The following RAD51B variants were observed in gnomAD, a reference collection of about 807,000 sequenced individuals.
The protein encoded by RAD51B is DNA repair protein RAD51 homolog 2.
In RAD51B, 38 loss-of-function variants were observed where a neutral mutation model predicts 42.2. That is an observed-to-expected ratio of 0.90 (90% confidence interval 0.70 to 1.18). The LOEUF is 1.18. Among genes scored for constraint, RAD51B ranks in the 50% most tolerant of loss-of-function variants. The pLI is 0.00. For synonymous variants in RAD51B, 154 were observed against 145.2 expected, an observed-to-expected ratio of 1.06 and a Z score of -0.43; for missense variants, 373 against 400.7, an observed-to-expected ratio of 0.93 and a Z score of 0.59.
rs879807479 is a variant in RAD51B, at chr14:67,874,015, G to C, written c.452+8876G>C. 6.5e-3 allele frequency among the ~76,000 whole-genome samples: 987 copies of C among 151,410 alleles called. 24 individuals carry two copies. Among genetic ancestry groups the C allele is most frequent in the Non-Finnish European group, 3.6e-3 (247 of 67,870 alleles). On this transcript the variant is annotated intron_variant, in intron 5 of 10. Transcript: ENST00000471583. ...ATGACGAGTTAGTGGGTGCAGCGCA[G>C]CAGCATGGCACATGTATACATATGT... is the stretch of plus-strand genomic sequence containing the variant.
intron 7 of RAD51B, among the ~76,000 whole-genome samples, chr14:68,273,116 A>G (rs549558364): frequency 6.6e-6 from 1 of 152,160 alleles, no homozygotes; most frequent in Non-Finnish European, 1.5e-5. Context: ...TCTTCCTACA[A>G]GTGGTCAGAC....
intron 7 of RAD51B, among the ~76,000 whole-genome samples, chr14:67,930,888 A>AT (rs71281751): frequency 1.2e-4 from 16 of 132,046 alleles, no homozygotes; most frequent in Middle Eastern, 3.8e-3. Flanking sequence ...TCTTTATTCA[A>AT]TTTTTTTTTT....
chr14:67,881,538 C>T (rs989790878), intron 5 of RAD51B, among the ~76,000 whole-genome samples: 11 of 152,168 alleles, frequency 7.2e-5, no homozygotes, highest in Non-Finnish European at 1.5e-4. Flanking sequence ...GTTCTAGCCA[C>T]CTTAGCTTTC....
chr14:68,228,002 A>C (rs573756001), intron 7 of RAD51B, among the ~76,000 whole-genome samples: 7 of 152,284 alleles, frequency 4.6e-5, no homozygotes, highest in African/African-American at 1.7e-4. Context: ...AATGTTTTGC[A>C]TACATTATAT....
intron 10 of RAD51B, among the ~76,000 whole-genome samples, chr14:68,631,458 T>C (rs535182336): frequency 1.3e-5 from 2 of 152,222 alleles, no homozygotes; most frequent in Admixed American, 1.3e-4. Context: ...GGCCTGGAGA[T>C]TGATCCCTTG....
At chr14:68,569,237 C>G (rs1310239344) in intron 10 of RAD51B, among the ~76,000 whole-genome samples, 1 of 152,210 alleles carries the variant, frequency 6.6e-6, no homozygotes, top group Non-Finnish European at 1.5e-5. Context: ...CTCTGTCACC[C>G]AAATTGTTTA....
chr14:68,602,534 A>C (rs1008762031), intron 10 of RAD51B, among the ~76,000 whole-genome samples: 1 of 151,434 alleles, frequency 6.6e-6, no homozygotes, highest in Non-Finnish European at 1.5e-5. Context: ...AGATAGATAG[A>C]TAGATAGATA....
chr14:68,564,114 G>A (rs944253856), intron 10 of RAD51B, among the ~76,000 whole-genome samples: 3 of 152,174 alleles, frequency 2.0e-5, no homozygotes, highest in Non-Finnish European at 4.4e-5. Context: ...GCAGGAAAGG[G>A]GTGATTTGCG....
chr14:68,576,583 A>C (rs1889972653), intron 10 of RAD51B, among the ~76,000 whole-genome samples: 1 of 152,214 alleles, frequency 6.6e-6, no homozygotes, highest in Non-Finnish European at 1.5e-5. Context: ...CAGGCATGCC[A>C]GCCCTGGGGA....
At chr14:68,422,807 C>T (rs2084741971) in intron 9 of RAD51B, among the ~76,000 whole-genome samples, 1 of 152,160 alleles carries the variant, frequency 6.6e-6, no homozygotes, top group South Asian at 2.1e-4. Flanking sequence ...TTGGAATTTT[C>T]AGTTACTGCA....
intron 7 of RAD51B, among the ~76,000 whole-genome samples, chr14:67,917,370 A>G (rs1006000136): frequency 1.3e-5 from 2 of 152,198 alleles, no homozygotes; most frequent in African/African-American, 2.4e-5. Context: ...GGCCCATCAC[A>G]TGACAAAAGC....
At chr14:68,531,868 GA>G (rs1304297374) in intron 10 of RAD51B, among the ~76,000 whole-genome samples, 3 of 152,086 alleles carry the variant, frequency 2.0e-5, no homozygotes, top group Non-Finnish European at 4.4e-5. Context: ...CAGATGTGGT[GA>G]CTATTCTGGA....
intron 7 of RAD51B, among the ~76,000 whole-genome samples, chr14:68,273,330 A>G (rs945067475): frequency 1.3e-5 from 2 of 152,194 alleles, no homozygotes; most frequent in South Asian, 2.1e-4. Flanking sequence ...TATTACTCTC[A>G]GGTGAACCTG....
intron 8 of RAD51B, among the ~76,000 whole-genome samples, chr14:68,354,214 T>TG (rs1331883007): frequency 8.1e-6 from 1 of 123,420 alleles, no homozygotes; most frequent in African/African-American, 3.3e-5. Context: ...TTTGGTTTTT[T>TG]GGTTTTTTTT....
intron 11 of RAD51B, among the ~76,000 whole-genome samples, chr14:68,674,123 A>T (rs1202926439): frequency 6.6e-6 from 1 of 152,150 alleles, no homozygotes; most frequent in Non-Finnish European, 1.5e-5. Flanking sequence ...ACATGCATAC[A>T]CACATACACA....
intron 8 of RAD51B, among the ~76,000 whole-genome samples, chr14:68,402,625 TCTG>T (rs2084141098): frequency 6.6e-6 from 1 of 152,138 alleles, no homozygotes; most frequent in South Asian, 2.1e-4. Flanking sequence ...TGGAGAGAAA[TCTG>T]CTATCAGCAA....
intron 10 of RAD51B, chr14:68,470,633 G>C: frequency 2.0e-6 from 1 of 500,548 alleles, no homozygotes; most frequent in South Asian, 1.6e-5. Flanking sequence ...AAAACAGAGA[G>C]AGAGAGAAGA....
intron 9 of RAD51B, among the ~76,000 whole-genome samples, chr14:68,450,475 G>C (rs892036722): frequency 1.3e-5 from 2 of 152,024 alleles, no homozygotes; most frequent in South Asian, 2.1e-4. Flanking sequence ...CGCCTTGGCC[G>C]CCCGAAGTGC....
chr14:67,949,900 A>G (rs529770140), intron 7 of RAD51B, among the ~76,000 whole-genome samples: 2 of 152,254 alleles, frequency 1.3e-5, no homozygotes, highest in South Asian at 4.1e-4. Context: ...TTTTCAAAAT[A>G]TTTTGAAAAG....
Sources: allele counts gnomAD v4.1 joint callset (sites outside exome capture counted in the v4.1 genomes callset), GRCh38; gene constraint gnomAD v4.1.1; transcripts MANE v1.5; gene names NCBI Gene and HGNC (gene_info 2026-07-23, HGNC 2026-07-21).